The following GATAD2A variants were observed in gnomAD, a reference collection of about 807,000 sequenced individuals.
GATAD2A encodes the protein GATA zinc finger domain containing 2A.
Under a neutral mutation model 68.5 loss-of-function variants are expected in GATAD2A, and 12 were observed. The observed-to-expected ratio is 0.18, with a 90% CI of 0.11 to 0.28. The LOEUF (loss-of-function observed/expected upper bound fraction) is 0.28. Ranked by LOEUF, GATAD2A falls within the 10% of genes least tolerant of loss-of-function variation. The pLI, the probability that GATAD2A is intolerant of heterozygous loss-of-function variation, is 1.00. For missense variants in GATAD2A, 755 were observed against 868.5 expected (o/e 0.87, Z 1.64); for synonymous variants, 410 against 375.3 (o/e 1.09, Z -1.07).
At position 19,501,991 on chromosome 19, in the gene GATAD2A, T is replaced by G; in HGVS notation, c.1526T>G (p.Leu509Trp). The G allele has an allele frequency of 6.2e-7, 1 of 1,614,032 alleles. No homozygotes were observed. Among genetic ancestry groups the G allele is most frequent in the Non-Finnish European group, 8.5e-7 (1 of 1,179,956 alleles). Residue 509 changes from leucine (L) to tryptophan (W), a missense_variant, in exon 10 of 12, where the codon TTG (leucine) becomes TGG (tryptophan). By Grantham distance (61) the Leu-to-Trp change is moderately conservative (BLOSUM62 -2). Coordinates refer to ENST00000683918, the MANE Select transcript of GATAD2A (RefSeq NM_001384528.1). Reference protein sequence around the residue: ...LKQVIKPRRKLAFRSGEARDW... With the variant: ...LKQVIKPRRKWAFRSGEARDW... The stretch of plus-strand genomic sequence containing the variant: ...TAGGTCATAAAACCCCGGCGTAAGT[T>G]GGCGTTCCGCTCAGGAGAGGCCCGC...
At chr19:19,390,630 G>A (rs1354766426) in intron 1 of GATAD2A, among the ~76,000 whole-genome samples, 1 of 152,178 alleles carries the variant, frequency 6.6e-6, no homozygotes, top group African/African-American at 2.4e-5. Context: ...AGGGCAAGTA[G>A]GGAGATGTAT....
At chr19:19,493,083 G>A (rs1466339168) in intron 4 of GATAD2A, among the ~76,000 whole-genome samples, 1 of 152,108 alleles carries the variant, frequency 6.6e-6, no homozygotes, top group Non-Finnish European at 1.5e-5. Context: ...TGGGACTACA[G>A]GCGCGTGCCA....
intron 1 of GATAD2A, among the ~76,000 whole-genome samples, chr19:19,420,618 G>C (rs1253320015): frequency 6.6e-6 from 1 of 151,922 alleles, no homozygotes; most frequent in Admixed American, 6.6e-5. Context: ...GGGATTACAG[G>C]TGTGAGCCAC....
Position 19,486,254 on chromosome 19 carries a change from A to G in GATAD2A, c.270-6052A>G, listed in dbSNP as rs534273093. ...GTCAGGCAGATGTTTCAGGTTTGCC[A>G]TTGCTTCCATCTGGGAGCTGCAAGG... is the stretch of plus-strand genomic sequence containing the variant. On this transcript the variant is annotated intron_variant, in intron 2 of 11. Coordinates refer to ENST00000683918, the MANE Select transcript of GATAD2A (RefSeq NM_001384528.1). 1.9e-3 allele frequency among the ~76,000 whole-genome samples: 284 copies of G among 152,320 alleles called. 1 individual carries two copies. The highest frequency in any genetic ancestry group is 6.4e-3 in the African/African-American group (265 of 41,564).
At chr19:19,422,555 G>T (rs2052546574) in intron 1 of GATAD2A, among the ~76,000 whole-genome samples, 1 of 152,206 alleles carries the variant, frequency 6.6e-6, no homozygotes, top group African/African-American at 2.4e-5. Context: ...AAGGGCTGGG[G>T]ATAGTGGTGA....
chr19:19,421,937 C>T (rs191281554), intron 1 of GATAD2A, among the ~76,000 whole-genome samples: 2 of 152,088 alleles, frequency 1.3e-5, no homozygotes, highest in Admixed American at 1.3e-4. Context: ...TTCTCCTGCC[C>T]CAGCCTCCCA....
chr19:19,455,559 A>G (rs1372567268), intron 1 of GATAD2A, among the ~76,000 whole-genome samples: 4 of 152,204 alleles, frequency 2.6e-5, no homozygotes, highest in African/African-American at 4.8e-5. Flanking sequence ...AATAATACAA[A>G]TAAAACTATA....
chr19:19,411,524 C>T (rs2050919686), intron 1 of GATAD2A, among the ~76,000 whole-genome samples: 1 of 152,152 alleles, frequency 6.6e-6, no homozygotes, highest in African/African-American at 2.4e-5. Flanking sequence ...TGTCTGGGAG[C>T]GCCAGGGTGA....
At chr19:19,398,296 C>T (rs1233849995) in intron 1 of GATAD2A, among the ~76,000 whole-genome samples, 2 of 149,488 alleles carry the variant, frequency 1.3e-5, no homozygotes, top group African/African-American at 2.5e-5. Context: ...CTCCGCCTCC[C>T]GGGTTCAAGC....
intron 11 of GATAD2A, among the ~76,000 whole-genome samples, chr19:19,503,543 C>T (rs1348637912): frequency 2.0e-5 from 3 of 152,078 alleles, no homozygotes; most frequent in African/African-American, 7.2e-5. Flanking sequence ...GACTCACGGG[C>T]TGGTCAGAAA....
intron 1 of GATAD2A, chr19:19,435,255 TCTGTCGC>T: frequency 2.4e-6 from 1 of 425,242 alleles, no homozygotes; most frequent in Non-Finnish European, 5.1e-6. Flanking sequence ...AGGGTCTCAC[TCTGTCGC>T]CCAGGTTGGA....
intron 2 of GATAD2A, among the ~76,000 whole-genome samples, chr19:19,487,167 G>GC: frequency 6.6e-6 from 1 of 152,340 alleles, no homozygotes; most frequent in African/African-American, 2.4e-5. Context: ...ATGGGGGCTT[G>GC]CCCCCTTCTC....
At chr19:19,397,203 T>C (rs1419571863) in intron 1 of GATAD2A, among the ~76,000 whole-genome samples, 1 of 152,156 alleles carries the variant, frequency 6.6e-6, no homozygotes, top group East Asian at 1.9e-4. Context: ...AAATGTGCTA[T>C]AGTAGGATCC....
Position 19,494,333 on chromosome 19 carries a change from C to T in GATAD2A, c.574C>T (p.Pro192Ser), listed in dbSNP as rs773618709. Residue 192 changes from proline to serine, a missense_variant, in exon 5 of 12, where the codon CCG becomes TCG. Coordinates refer to ENST00000683918, the MANE Select transcript of GATAD2A (RefSeq NM_001384528.1). ...SVGSTVTTPP[P>S]LVRGTQNIPA... Reference sequence around the variant, plus strand: ...TGGGAGCACCGTGACCACCCCTCCCCCGCTTGTTCGGGGCACTCAGAACAT... The same window carrying T: ...TGGGAGCACCGTGACCACCCCTCCCTCGCTTGTTCGGGGCACTCAGAACAT... The T allele has an allele frequency of 2.5e-6, 4 of 1,613,550 alleles. No homozygotes were observed. The highest frequency in any genetic ancestry group is 3.4e-6 in the Non-Finnish European group (4 of 1,179,538).
At chr19:19,412,065 C>G (rs1187945799) in intron 1 of GATAD2A, among the ~76,000 whole-genome samples, 1 of 150,674 alleles carries the variant, frequency 6.6e-6, no homozygotes, top group Admixed American at 6.6e-5. Flanking sequence ...GTAGCAATCC[C>G]CCATCTCTCT....
chr19:19,487,205 G>A (rs1452290373), intron 2 of GATAD2A, among the ~76,000 whole-genome samples: 1 of 152,234 alleles, frequency 6.6e-6, no homozygotes, highest in Non-Finnish European at 1.5e-5. Context: ...CCCAGGGCTG[G>A]ATACCCCCTT....
chr19:19,435,823 C>T (rs1043529016), intron 1 of GATAD2A, among the ~76,000 whole-genome samples: 4 of 152,174 alleles, frequency 2.6e-5, no homozygotes, highest in African/African-American at 9.7e-5. Context: ...TCACTCCAGT[C>T]TGGGCATAAG....
At chr19:19,501,555 A>T in intron 9 of GATAD2A, 139 bp downstream of exon 9, 1 of 701,898 alleles carries the variant, frequency 1.4e-6, no homozygotes. Flanking sequence ...GGCGGCAAAA[A>T]CACTAATTTG....
At chr19:19,481,666 T>G (rs2059072205) in intron 2 of GATAD2A, among the ~76,000 whole-genome samples, 1 of 152,184 alleles carries the variant, frequency 6.6e-6, no homozygotes, top group South Asian at 2.1e-4. Context: ...TCTTGTGATT[T>G]GGGTAAGTTA....
Sources: gnomAD v4.1 joint callset for allele counts (sites outside exome capture counted in the v4.1 genomes callset) on GRCh38, gnomAD v4.1.1 for gene constraint, MANE v1.5 for transcripts, NCBI Gene and HGNC (gene_info 2026-07-23, HGNC 2026-07-21) for gene names.